CHST12: variants seen among roughly 807,000 people sequenced by gnomAD.
CHST12 encodes the protein carbohydrate (chondroitin 4) sulfotransferase 12.
A neutral mutation model predicts 27.9 loss-of-function variants in CHST12; 23 were observed. The ratio of observed to expected loss-of-function variants is 0.82; its 90% CI spans 0.59 to 1.17. The LOEUF (loss-of-function observed/expected upper bound fraction) is 1.17, where lower values mean the gene tolerates loss of function less well. Ranked by LOEUF, CHST12 falls within the 50% of genes most tolerant of loss-of-function variation. The pLI, the probability that CHST12 is intolerant of heterozygous loss-of-function variation, is 0.00. For missense variants in CHST12, 682 were observed against 603.0 expected (o/e 1.13, Z -1.37); for synonymous variants, 322 against 273.0 (o/e 1.18, Z -1.77).
At chr7:2,412,185 T>C (rs1019839990) in intron 1 of CHST12, among the ~76,000 whole-genome samples, 4 of 152,358 alleles carry the variant, frequency 2.6e-5, no homozygotes, top group East Asian at 1.9e-4. Flanking sequence ...TTTATTTGGA[T>C]ATACTGTCAG....
At chr7:2,413,228 TC>T (rs1293388231) in intron 1 of CHST12, among the ~76,000 whole-genome samples, 1 of 152,202 alleles carries the variant, frequency 6.6e-6, no homozygotes, top group Non-Finnish European at 1.5e-5. Context: ...TTCCTCCCAG[TC>T]CCTCCGTGTC....
Position 2,432,729 on chromosome 7 carries a change from C to T in CHST12, c.90C>T (p.Gly30=), listed in dbSNP as rs778876663. ...LLIIVYWDSA[G]AAHFYLHTSF... is the part of the protein sequence containing the mutation. ...TCATCGTGTACTGGGACAGCGCAGG[C>T]GCCGCGCACTTCTACTTGCACACGT... Residue 30 remains glycine (G), a synonymous_variant, in exon 2 of 2, where the codon GGC becomes GGT. Coordinates refer to ENST00000618655, the MANE Select transcript of CHST12 (RefSeq NM_018641.5). 3.7e-6 allele frequency: 6 copies of T among 1,613,946 alleles called. No individual in the cohort carries two copies. The highest frequency in any genetic ancestry group is 1.7e-5 in the Admixed American group (1 of 60,022).
intron 1 of CHST12, among the ~76,000 whole-genome samples, chr7:2,419,885 C>A (rs1781919515): frequency 6.6e-6 from 1 of 151,778 alleles, no homozygotes; most frequent in Non-Finnish European, 1.5e-5. Flanking sequence ...CTCCCCTGCC[C>A]CCACAACCAC....
chr7:2,415,283 C>G (rs898005273), intron 1 of CHST12, among the ~76,000 whole-genome samples: 4 of 151,744 alleles, frequency 2.6e-5, no homozygotes, highest in Admixed American at 2.6e-4. Flanking sequence ...GGAGGATCAC[C>G]TGAACCCCAG....
At position 2,441,776 on chromosome 7, in the gene CHST12, A is replaced by G. The variant is rs2115462844; in HGVS notation, c.*7892A>G. On this transcript the variant is annotated 3_prime_UTR_variant, in exon 2 of 2. Transcript: ENST00000618655. ...GAAGAGTGGGTTTCTCATAAGAAAA[A>G]AAAGAAAAAGGTTGACCTTGTAAGT... 1 of 152,282 alleles carries G rather than the reference A, an allele frequency of 6.6e-6. No homozygotes were observed. The highest frequency in any genetic ancestry group is 2.4e-5 in the African/African-American group (1 of 41,566). The allele number at this position is 152,282 out of a possible 1,614,324, so 9.4% of individuals were successfully genotyped here.
chr7:2,404,453 C>T (rs1316588247), intron 1 of CHST12, among the ~76,000 whole-genome samples: 1 of 152,190 alleles, frequency 6.6e-6, no homozygotes, highest in Non-Finnish European at 1.5e-5. Flanking sequence ...GCTGTGGGGA[C>T]TCGGAAGCCC....
chr7:2,433,819 A>G lies in CHST12; in HGVS notation c.1180A>G (p.Lys394Glu). The change falls in exon 2 of 2, where the codon AAA becomes GAA. Residue 394 changes from lysine to glutamate, a missense_variant. By Grantham distance (56) the Lys-to-Glu change is moderately conservative. Transcript: ENST00000618655. The surrounding 1 kb of genome is among the most constrained non-coding windows in gnomAD (Gnocchi z 6.1). ...IPLAWRQQLYKLYEADFVLFG... is the reference protein window; with the variant it reads ...IPLAWRQQLYELYEADFVLFG... ...CCTGGCCTGGAGGCAGCAGCTGTAT[A>G]AACTCTACGAGGCCGACTTTGTTCT... is the stretch of plus-strand genomic sequence containing the variant. The G allele has an allele frequency of 6.2e-7, 1 of 1,613,732 alleles. No individual in the cohort carries two copies. The highest frequency in any genetic ancestry group is 8.5e-7 in the Non-Finnish European group (1 of 1,179,770).
chr7:2,432,981 C>A lies in CHST12; in HGVS notation c.342C>A (p.Ser114Arg), dbSNP rs1044236800. The stretch of plus-strand genomic sequence containing the variant: ...GGTCCCCGCGCGACGCCCGGCGCAG[C>A]CCAGACCAGGGCCGGCAGCAGGCGG... ...YDWSPRDARR[S>R]PDQGRQQAER... is the part of the protein sequence containing the mutation. Residue 114 changes from serine (S) to arginine (R), a missense_variant, in exon 2 of 2, where the codon AGC becomes AGA. By Grantham distance (110) the Ser-to-Arg change is moderately radical. Transcript: ENST00000618655. The A allele has an allele frequency of 6.2e-7, 1 of 1,610,120 alleles. No homozygotes were observed.
chr7:2,444,383 T>C lies in CHST12; in HGVS notation c.*10499T>C, dbSNP rs556445067. 1.8e-3 allele frequency: 265 copies of C among 150,624 alleles called. No homozygotes were observed. The highest frequency in any genetic ancestry group is 6.0e-3 in the African/African-American group (244 of 40,778). 9.3% of individuals were successfully genotyped at this position (150,624 alleles called of 1,614,324 possible). A position where few individuals can be genotyped will look rare whatever the true frequency, so the allele number is the denominator to read the frequency against. On this transcript the variant is annotated 3_prime_UTR_variant, in exon 2 of 2. Transcript: ENST00000618655. ...GAGGAGGCTGAGGCATGAGATTCGC[T>C]TGAGCCTGGGAGGCAGAGGTTGCAG...
rs1252125840 is a variant in CHST12 at position 2,447,447 on chromosome 7, C to G, written c.*13563C>G. On this transcript the variant is annotated 3_prime_UTR_variant, in exon 2 of 2. Transcript: ENST00000618655. ...TACTTCTTGCTGTGGTCCCCACACT[C>G]TGACACCCTCTTCTGAAATGAACAC... The G allele has an allele frequency of 1.3e-5, 2 of 152,382 alleles. No homozygotes were observed. Among genetic ancestry groups the G allele is most frequent in the Non-Finnish European group, 2.9e-5 (2 of 68,156 alleles). 9.4% of individuals were successfully genotyped at this position (152,382 alleles called of 1,614,324 possible).
intron 1 of CHST12, among the ~76,000 whole-genome samples, chr7:2,410,643 C>T (rs564602578): frequency 6.6e-6 from 1 of 152,154 alleles, no homozygotes; most frequent in South Asian, 2.1e-4. Context: ...AGGAGGTGAG[C>T]GTCAAGCAGA....
intron 1 of CHST12, among the ~76,000 whole-genome samples, chr7:2,419,824 C>G (rs1781917770): frequency 6.6e-6 from 1 of 151,976 alleles, no homozygotes; most frequent in South Asian, 2.1e-4. Flanking sequence ...GAACTATGTT[C>G]ATCTTGTAAA....
chr7:2,424,198 T>G (rs1254114172), intron 1 of CHST12, among the ~76,000 whole-genome samples: 1 of 152,000 alleles, frequency 6.6e-6, no homozygotes, highest in African/African-American at 2.4e-5. Flanking sequence ...TACAGAATAA[T>G]TTTAAAAATG....
In CHST12 at chr7:2,433,256, A is replaced by C; in HGVS notation, c.617A>C (p.His206Pro). The change falls in exon 2 of 2, where the codon CAC becomes CCC. Residue 206 changes from histidine (H) to proline (P), a missense_variant. By Grantham distance (77) the His-to-Pro change is moderately conservative. Coordinates refer to ENST00000618655, the MANE Select transcript of CHST12 (RefSeq NM_018641.5). The surrounding 1 kb of genome is among the most constrained non-coding windows in gnomAD (Gnocchi z 6.1). ...GACCCGCTGCGCATCCCGCGCGAGC[A>C]CGTGCACAACGCCAGCGCGCACCTG... The part of the protein sequence containing the change: ...YRDPLRIPRE[H>P]VHNASAHLTF... The C allele has an allele frequency of 6.2e-7, 1 of 1,611,516 alleles. No individual in the cohort carries two copies. The highest frequency in any genetic ancestry group is 8.5e-7 in the Non-Finnish European group (1 of 1,178,628).
In CHST12 at chr7:2,403,636, CGGGCGCGAGGTGAG is replaced by C; in HGVS notation, c.-98_-85del. On this transcript the variant is annotated 5_prime_UTR_variant, in exon 1 of 2. Transcript: ENST00000618655. ...AGTCGCGGGGCGGCGGCGGCGGCTGCGGGCGCGAGGTGAGGGGCGCGAGGTGAGGGTCGCGAGGT... is the reference window on the plus strand; with the variant it reads ...AGTCGCGGGGCGGCGGCGGCGGCTGCGGGCGCGAGGTGAGGGTCGCGAGGT... The C allele has an allele frequency of 7.9e-3, 1,124 of 143,002 alleles. 15 individuals are homozygous for C. Among genetic ancestry groups the C allele is most frequent in the African/African-American group, 0.028 (1,059 of 38,468 alleles). The allele number at this position is 143,002 out of a possible 1,614,324, so 8.9% of individuals were successfully genotyped here.
intron 1 of CHST12, among the ~76,000 whole-genome samples, chr7:2,404,909 G>A (rs890190169): frequency 3.3e-5 from 5 of 152,188 alleles, no homozygotes; most frequent in African/African-American, 9.7e-5. Flanking sequence ...CGGTAATAGC[G>A]TGGGCCTTGC....
In CHST12 at chr7:2,436,828, G is replaced by A. The variant is rs964635882; in HGVS notation, c.*2944G>A. Reference sequence around the variant, plus strand: ...CCTGGGGTGTTTGCAGGGATGTGGAGGGGTTCCTGCAGAAGACACCACCCA... The same window carrying A: ...CCTGGGGTGTTTGCAGGGATGTGGAAGGGTTCCTGCAGAAGACACCACCCA... On this transcript the variant is annotated 3_prime_UTR_variant, in exon 2 of 2. Transcript: ENST00000618655. 1 of 152,216 alleles carries A rather than the reference G, an allele frequency of 6.6e-6. No individual in the cohort carries two copies. Among genetic ancestry groups the A allele is most frequent in the Non-Finnish European group, 1.5e-5 (1 of 68,054 alleles). 9.4% of individuals were successfully genotyped at this position (152,216 alleles called of 1,614,324 possible). A position where few individuals can be genotyped will look rare whatever the true frequency, so the allele number is the denominator to read the frequency against.
chr7:2,426,807 A>G (rs894859596), intron 1 of CHST12, among the ~76,000 whole-genome samples: 10 of 152,030 alleles, frequency 6.6e-5, no homozygotes, highest in Admixed American at 2.6e-4. Context: ...CCTGGCCAAC[A>G]TGGTGGAGCT....
chr7:2,421,746 A>T (rs1377383379), intron 1 of CHST12, among the ~76,000 whole-genome samples: 1 of 150,672 alleles, frequency 6.6e-6, no homozygotes, highest in Non-Finnish European at 1.5e-5. Context: ...CTTTTTAAAC[A>T]TTTTTTATAG....
Sources: gnomAD v4.1 joint callset for allele counts (sites outside exome capture counted in the v4.1 genomes callset) on GRCh38, gnomAD v4.1.1 for gene constraint, Gnocchi (gnomAD v3.1) non-coding constraint, MANE v1.5 for transcripts, NCBI Gene and HGNC (gene_info 2026-07-23, HGNC 2026-07-21) for gene names.